LRP4: variants seen among roughly 807,000 people sequenced by gnomAD.
LRP4 encodes low-density lipoprotein receptor-related protein 4.
A neutral mutation model predicts 220.3 loss-of-function variants in LRP4; 95 were observed. The ratio of observed to expected loss-of-function variants is 0.43; its 90% CI spans 0.37 to 0.51. The LOEUF (loss-of-function observed/expected upper bound fraction) is 0.51. LRP4 is among the 20% of genes least tolerant of loss of function. The pLI is 0.00. For missense variants in LRP4, 1,925 were observed against 2,567.0 expected (o/e 0.75, Z 5.40); for synonymous variants, 903 against 954.6 (o/e 0.95, Z 1.00).
intron 19 of LRP4, among the ~76,000 whole-genome samples, chr11:46,882,197 A>T (rs980831890): frequency 6.6e-6 from 1 of 152,082 alleles, no homozygotes; most frequent in Non-Finnish European, 1.5e-5. Flanking sequence ...AATAAGAAAC[A>T]TTTCCTTGGC....
intron 1 of LRP4, among the ~76,000 whole-genome samples, chr11:46,905,239 T>A (rs1475595888): frequency 2.0e-5 from 3 of 152,166 alleles, no homozygotes; most frequent in Non-Finnish European, 4.4e-5. Context: ...CTCACTCAGA[T>A]CCTGGACAAC....
chr11:46,859,530 G>A (rs1175867553), intron 37 of LRP4, among the ~76,000 whole-genome samples: 1 of 152,174 alleles, frequency 6.6e-6, no homozygotes, highest in Non-Finnish European at 1.5e-5. Flanking sequence ...CATACAGGAG[G>A]AGGGAAAACC....
chr11:46,906,403 C>T (rs1411422354), intron 1 of LRP4, among the ~76,000 whole-genome samples: 1 of 150,784 alleles, frequency 6.6e-6, no homozygotes, highest in Non-Finnish European at 1.5e-5. Context: ...TTGCAATGAG[C>T]AGAGATCACG....
intron 19 of LRP4, among the ~76,000 whole-genome samples, chr11:46,883,633 TTC>T (rs1277702281): frequency 3.3e-5 from 5 of 152,208 alleles, no homozygotes; most frequent in Admixed American, 3.3e-4. Flanking sequence ...GACCCCTGAT[TTC>T]TTACTTCACA....
intron 8 of LRP4, among the ~76,000 whole-genome samples, chr11:46,896,596 G>A (rs1941535004): frequency 6.6e-6 from 1 of 152,228 alleles, no homozygotes; most frequent in African/African-American, 2.4e-5. Flanking sequence ...GTGGCCAGGG[G>A]AGCACACATG....
In LRP4 at chr11:46,876,834, G is replaced by C; in HGVS notation, c.3278-4C>G. On this transcript the variant is annotated splice_region_variant and splice_polypyrimidine_tract_variant and intron_variant, in intron 23 of 37. Transcript: ENST00000378623. ...CTGTCAGACCAGTACACCTTTCCTGGAGAGGGAAAGCTTGGCTCAACCTAG... is the reference window on the plus strand; with the variant it reads ...CTGTCAGACCAGTACACCTTTCCTGCAGAGGGAAAGCTTGGCTCAACCTAG... 3 of 1,612,404 alleles carry C rather than the reference G, an allele frequency of 1.9e-6. No individual in the cohort carries two copies. The highest frequency in any genetic ancestry group is 2.5e-6 in the Non-Finnish European group (3 of 1,178,786).
Position 46,868,646 on chromosome 11 carries a change from G to A in LRP4, c.4905C>T (p.Phe1635=), listed in dbSNP as rs2290883. 0.16 allele frequency: 250,501 copies of A among 1,613,984 alleles called. 27,695 individuals are homozygous for A. Among genetic ancestry groups the A allele is most frequent in the East Asian group, 0.62 (27,643 of 44,864 alleles). The change falls in exon 33 of 38, where the codon TTC becomes TTT. Residue 1635 remains phenylalanine, a synonymous_variant. Coordinates refer to ENST00000378623, the MANE Select transcript of LRP4 (RefSeq NM_002334.4). ...CAGGTTCGTCAGGACAGGCACATACGAAGTCCGAGGCTCTGGCAAAGCAGA... is the reference window on the plus strand; with the variant it reads ...CAGGTTCGTCAGGACAGGCACATACAAAGTCCGAGGCTCTGGCAAAGCAGA... ...THLCFARASD[F]VCACPDEPDS... is the part of the protein sequence containing the mutation.
intron 7 of LRP4, among the ~76,000 whole-genome samples, chr11:46,898,058 C>T (rs1363011119): frequency 7.1e-6 from 1 of 140,290 alleles, no homozygotes; most frequent in Non-Finnish European, 1.6e-5. Flanking sequence ...GGGGCTGACC[C>T]CCCCACCTCC....
chr11:46,875,755 T>G lies in LRP4; in HGVS notation c.3699+49A>C. On this transcript the variant is annotated intron_variant, in intron 26 of 37. Transcript: ENST00000378623. The surrounding 1 kb of genome is among the most constrained non-coding windows in gnomAD (Gnocchi z 4.5). ...TCTCCATGGAGATCCTAGGCAGGCC[T>G]TTCCCATCTTCCCAGGCTCCTGGGA... is the stretch of plus-strand genomic sequence containing the variant. 1 of 1,613,616 alleles carries G rather than the reference T, an allele frequency of 6.2e-7. No individual in the cohort carries two copies. Among genetic ancestry groups the G allele is most frequent in the Non-Finnish European group, 8.5e-7 (1 of 1,179,652 alleles).
Position 46,875,193 on chromosome 11 carries a change from C to T in LRP4, c.3926-90G>A. ...CCAGTTGTTTGTGGCTGGCTCTTTG[C>T]TGTTCTAAGTGACAGGATTCAGTGC... On this transcript the variant is annotated intron_variant, in intron 27 of 37. Transcript: ENST00000378623. The surrounding 1 kb of genome is among the most constrained non-coding windows in gnomAD (Gnocchi z 4.5). 2 of 1,363,098 alleles carry T rather than the reference C, an allele frequency of 1.5e-6. No homozygotes were observed. Among genetic ancestry groups the T allele is most frequent in the Non-Finnish European group, 2.0e-6 (2 of 982,518 alleles). The allele number at this position is 1,363,098 out of a possible 1,614,324, so 84.4% of individuals were successfully genotyped here. A position where few individuals can be genotyped will look rare whatever the true frequency, so the allele number is the denominator to read the frequency against.
intron 37 of LRP4, 62 bp downstream of exon 37, chr11:46,862,544 G>A: frequency 6.5e-7 from 1 of 1,546,200 alleles, no homozygotes; most frequent in Non-Finnish European, 8.9e-7. Flanking sequence ...TTGGGCATTT[G>A]GAGTAAAATC....
At chr11:46,908,469 GT>G (rs1439111197) in intron 1 of LRP4, among the ~76,000 whole-genome samples, 1 of 152,198 alleles carries the variant, frequency 6.6e-6, no homozygotes, top group African/African-American at 2.4e-5. Flanking sequence ...GAAAGGTTAA[GT>G]CTGTAGATAG....
chr11:46,916,126 T>C (rs752886750), intron 1 of LRP4, among the ~76,000 whole-genome samples: 6 of 152,146 alleles, frequency 3.9e-5, no homozygotes, highest in Non-Finnish European at 7.3e-5. Flanking sequence ...TAGACGTTTC[T>C]ATTAAACTTT....
intron 16 of LRP4, among the ~76,000 whole-genome samples, chr11:46,887,791 G>T (rs970615593): frequency 4.6e-5 from 7 of 151,750 alleles, no homozygotes; most frequent in Non-Finnish European, 8.8e-5. Flanking sequence ...AGATCATGCC[G>T]CCACACTCCA....
In LRP4 at chr11:46,896,197, T is replaced by C. The variant is rs755675497; in HGVS notation, c.1048+13A>G. On this transcript the variant is annotated intron_variant, in intron 9 of 37. Coordinates refer to ENST00000378623, the MANE Select transcript of LRP4 (RefSeq NM_002334.4). ...CAAACCATGGGCCAGGTCCGCCCAC[T>C]GGGGACACTCACGGCAATTCTGCTG... 18 of 1,613,620 alleles carry C rather than the reference T, an allele frequency of 1.1e-5. No homozygotes were observed. Among genetic ancestry groups the C allele is most frequent in the East Asian group, 8.9e-5 (4 of 44,886 alleles).
chr11:46,872,977 A>T, intron 30 of LRP4, 123 bp downstream of exon 30: 1 of 1,338,924 alleles, frequency 7.5e-7, no homozygotes, highest in Non-Finnish European at 1.1e-6. Context: ...TATCCTTCTC[A>T]ATGATTCCTC....
At position 46,894,585 on chromosome 11, in the gene LRP4, C is replaced by T; in HGVS notation, c.1540+4G>A. ...GCCCCTCTCCATGGGGCCTTGTTCC[C>T]TACCTGGGCTCTCCAGCCCAGTAGA... On this transcript the variant is annotated splice_donor_region_variant and intron_variant, in intron 12 of 37. Transcript: ENST00000378623. The T allele has an allele frequency of 6.3e-7, 1 of 1,595,542 alleles. No homozygotes were observed. Among genetic ancestry groups the T allele is most frequent in the East Asian group, 2.3e-5 (1 of 44,148 alleles).
Position 46,886,401 on chromosome 11 carries a change from C to T in LRP4, c.2348G>A (p.Arg783Gln), listed in dbSNP as rs771948348. ...ATCTGTCCAGTACACGTGGTCATCC[C>T]GGGAGTCCCAGTCAAGGGCCACAGC... ...RSAVALDWDS[R>Q]DDHVYWTDVS... is the part of the protein sequence containing the mutation. The change falls in exon 17 of 38, where the codon CGG (arginine) becomes CAG (glutamine). Residue 783 changes from arginine to glutamine, a missense_variant. Physicochemically the swap from Arg to Gln is conservative, Grantham distance 43 (BLOSUM62 1). This residue lies in a region of LRP4 where 1,244 missense variants were observed against 1,624.9 expected (regional missense o/e 0.77). Transcript: ENST00000378623. 13 of 1,612,540 alleles carry T rather than the reference C, an allele frequency of 8.1e-6. No individual in the cohort carries two copies. The highest frequency in any genetic ancestry group is 2.7e-5 in the African/African-American group (2 of 74,904).
rs1777281710 is a variant in LRP4, at chr11:46,858,836, G to A, written c.*147C>T. The A allele has an allele frequency of 1.3e-6, 1 of 769,884 alleles. No individual in the cohort carries two copies. The highest frequency in any genetic ancestry group is 2.3e-6 in the Non-Finnish European group (1 of 439,540). The allele number at this position is 769,884 out of a possible 1,614,324, so 47.7% of individuals were successfully genotyped here. A position where few individuals can be genotyped will look rare whatever the true frequency, so the allele number is the denominator to read the frequency against. ...TAGTTATGGACTCACGTGGTAAACAGCTCCGGTGAAGGCTTAGGAACAGTT... is the reference window on the plus strand; with the variant it reads ...TAGTTATGGACTCACGTGGTAAACAACTCCGGTGAAGGCTTAGGAACAGTT... On this transcript the variant is annotated 3_prime_UTR_variant, in exon 38 of 38. Coordinates refer to ENST00000378623, the MANE Select transcript of LRP4 (RefSeq NM_002334.4).
Sources: gnomAD v4.1 joint callset for allele counts (sites outside exome capture counted in the v4.1 genomes callset) on GRCh38, gnomAD v4.1.1 for gene constraint, gnomAD v4.1.1 regional missense constraint, Gnocchi (gnomAD v3.1) non-coding constraint, MANE v1.5 for transcripts, NCBI Gene and HGNC (gene_info 2026-07-23, HGNC 2026-07-21) for gene names.